The following SPATA17 variants were observed in gnomAD, a reference collection of about 807,000 sequenced individuals.
SPATA17 encodes spermatogenesis associated 17.
Under a neutral mutation model 62.2 loss-of-function variants are expected in SPATA17, and 53 were observed. That is an observed-to-expected ratio of 0.85 (90% confidence interval 0.68 to 1.07). The LOEUF is 1.07. Ranked by LOEUF, SPATA17 falls within the 50% of genes least tolerant of loss-of-function variation. The pLI, the probability that SPATA17 is intolerant of heterozygous loss-of-function variation, is 0.00. For synonymous variants in SPATA17, 146 were observed against 146.8 expected (o/e 0.99, Z 0.04); for missense variants, 466 against 425.5 (o/e 1.10, Z -0.84).
chr1:217,659,298 C>T (rs907839565), intron 3 of SPATA17, among the ~76,000 whole-genome samples: 1 of 151,572 alleles, frequency 6.6e-6, no homozygotes, highest in Admixed American at 6.6e-5. Flanking sequence ...CTTCAGCTAA[C>T]CCTTGGGAAG....
chr1:217,811,254 G>C (rs145650598), intron 9 of SPATA17, among the ~76,000 whole-genome samples: 1,611 of 151,986 alleles, frequency 0.011, 33 homozygotes, highest in African/African-American at 0.037. Flanking sequence ...GGCTGGTCTC[G>C]AACTCCTGGC....
At chr1:217,758,974 A>G (rs1464985484) in intron 6 of SPATA17, among the ~76,000 whole-genome samples, 1 of 152,186 alleles carries the variant, frequency 6.6e-6, no homozygotes, top group Non-Finnish European at 1.5e-5. Context: ...GAAGGCATCA[A>G]AGAACTATGA....
chr1:217,864,459 T>C (rs1675965806), intron 10 of SPATA17, among the ~76,000 whole-genome samples: 1 of 152,152 alleles, frequency 6.6e-6, no homozygotes, highest in Non-Finnish European at 1.5e-5. Flanking sequence ...GTACGCTGTG[T>C]AGTCTTATTT....
chr1:217,765,577 C>A (rs1673279912), intron 6 of SPATA17, among the ~76,000 whole-genome samples: 1 of 151,686 alleles, frequency 6.6e-6, no homozygotes, highest in Non-Finnish European at 1.5e-5. Flanking sequence ...CTCCAGTTTT[C>A]TTTCTGTTAT....
chr1:217,670,912 C>G (rs1368561301), intron 4 of SPATA17, among the ~76,000 whole-genome samples: 1 of 146,102 alleles, frequency 6.8e-6, no homozygotes. Flanking sequence ...GATCCCACCA[C>G]TGCACTCCAG....
chr1:217,705,430 C>CTTTTTTTTTTTTTTTTTT lies in SPATA17; in HGVS notation c.395+22080_395+22097dup, dbSNP rs58138326. 8.6e-5 allele frequency among the ~76,000 whole-genome samples: 4 copies of CTTTTTTTTTTTTTTTTTT among 46,606 alleles called. 1 individual carries two copies. Among genetic ancestry groups the CTTTTTTTTTTTTTTTTTT allele is most frequent in the African/African-American group, 2.6e-4 (3 of 11,526 alleles). The allele number at this position is 46,606 out of a possible 152,430, so 30.6% of individuals were successfully genotyped here. On this transcript the variant is annotated intron_variant, in intron 5 of 10. Coordinates refer to ENST00000366933, the MANE Select transcript of SPATA17 (RefSeq NM_138796.4). ...TTTATCTCAATTAGATTCTAGTTGT[C>CTTTTTTTTTTTTTTTTTT]TTTTTTTTTTTTTTTTTTTTTTTTT...
chr1:217,745,036 C>A (rs1672714548), intron 6 of SPATA17, among the ~76,000 whole-genome samples: 1 of 151,558 alleles, frequency 6.6e-6, no homozygotes, highest in Non-Finnish European at 1.5e-5. Flanking sequence ...GCATTCATTT[C>A]CTCATTTCCT....
At chr1:217,817,802 A>G (rs773677445) in intron 9 of SPATA17, among the ~76,000 whole-genome samples, 2 of 152,068 alleles carry the variant, frequency 1.3e-5, no homozygotes, top group Non-Finnish European at 2.9e-5. Context: ...CCGTACGTCT[A>G]TAGGTTAATG....
intron 9 of SPATA17, chr1:217,850,261 C>A: frequency 1.4e-5 from 4 of 295,258 alleles, no homozygotes; most frequent in Non-Finnish European, 2.0e-5. Context: ...TTTAATGCTA[C>A]CATGCAACAA....
intron 9 of SPATA17, among the ~76,000 whole-genome samples, chr1:217,822,648 AAAAT>A (rs1412537925): frequency 6.7e-6 from 1 of 148,150 alleles, no homozygotes; most frequent in Non-Finnish European, 1.5e-5. Context: ...ATATATATAT[AAAAT>A]AAATATATAT....
At chr1:217,723,270 T>C (rs973990771) in intron 5 of SPATA17, among the ~76,000 whole-genome samples, 2 of 152,182 alleles carry the variant, frequency 1.3e-5, no homozygotes, top group African/African-American at 2.4e-5. Flanking sequence ...GATCACTTCC[T>C]CGGTGAGCTG....
intron 6 of SPATA17, among the ~76,000 whole-genome samples, chr1:217,758,614 A>G (rs1396807688): frequency 6.6e-6 from 1 of 152,198 alleles, no homozygotes; most frequent in Non-Finnish European, 1.5e-5. Flanking sequence ...GCATAGTTGA[A>G]ATGATTCTTG....
intron 8 of SPATA17, 25 bp downstream of exon 8, chr1:217,782,347 AG>A: frequency 6.4e-7 from 1 of 1,567,552 alleles, no homozygotes; most frequent in Admixed American, 2.0e-5. Context: ...TAACAAAAAT[AG>A]CTGTGACATA....
At chr1:217,655,758 G>T (rs1670427309) in intron 3 of SPATA17, among the ~76,000 whole-genome samples, 1 of 151,966 alleles carries the variant, frequency 6.6e-6, no homozygotes, top group Admixed American at 6.6e-5. Context: ...TCACTAAATG[G>T]TTTGGTGCTC....
intron 8 of SPATA17, among the ~76,000 whole-genome samples, chr1:217,784,665 A>G (rs1249013646): frequency 3.3e-5 from 5 of 152,174 alleles, no homozygotes; most frequent in Admixed American, 6.6e-5. Flanking sequence ...TAGGGTCTTA[A>G]TAAAAGAGAA....
chr1:217,682,057 A>G lies in SPATA17; in HGVS notation c.292-1201A>G, dbSNP rs190411381. On this transcript the variant is annotated intron_variant, in intron 4 of 10. Transcript: ENST00000366933. ...CGTGAGTCATTCATACAGATATTTAAACGGTTGGAAAATTTTAGGAATGAT... is the reference window on the plus strand; with the variant it reads ...CGTGAGTCATTCATACAGATATTTAGACGGTTGGAAAATTTTAGGAATGAT... Among the ~76,000 whole-genome samples the G allele has an allele frequency of 6.2e-3, 942 of 152,302 alleles. 12 individuals carry two copies. Among genetic ancestry groups the G allele is most frequent in the South Asian group, 0.026 (125 of 4,826 alleles).
chr1:217,786,766 T>TTCTTCTTCTTCC (rs1673878949), intron 8 of SPATA17, among the ~76,000 whole-genome samples: 2 of 90,482 alleles, frequency 2.2e-5, no homozygotes, highest in Non-Finnish European at 4.4e-5. Context: ...CTTCTTCTTC[T>TTCTTCTTCTTCC]TCTTCTTCTT....
chr1:217,758,505 T>A (rs886702085), intron 6 of SPATA17, among the ~76,000 whole-genome samples: 2 of 152,178 alleles, frequency 1.3e-5, no homozygotes, highest in African/African-American at 4.8e-5. Flanking sequence ...GGTTATGTAA[T>A]GCAGGCTAAA....
intron 9 of SPATA17, among the ~76,000 whole-genome samples, chr1:217,822,268 A>G (rs1674882375): frequency 6.6e-6 from 1 of 152,038 alleles, no homozygotes; most frequent in Non-Finnish European, 1.5e-5. Flanking sequence ...TAATTTTATA[A>G]TAGGTAAAAT....
Sources: gnomAD v4.1 joint callset for allele counts (sites outside exome capture counted in the v4.1 genomes callset) on GRCh38, gnomAD v4.1.1 for gene constraint, MANE v1.5 for transcripts, NCBI Gene and HGNC (gene_info 2026-07-23, HGNC 2026-07-21) for gene names.